Variants in RCN3 observed in about 807,000 individuals in gnomAD.
RCN3 encodes the protein reticulocalbin-3.
In RCN3, 41 loss-of-function variants were observed where a neutral mutation model predicts 35.9. That is an observed-to-expected ratio of 1.14 (90% CI 0.89 to 1.48). RCN3 has a LOEUF of 1.48. Among genes scored for constraint, RCN3 ranks in the 40% most tolerant of loss-of-function variants. The pLI is 0.00. For missense variants in RCN3, 451 were observed against 471.3 expected, an observed-to-expected ratio of 0.96 and a Z score of 0.40; for synonymous variants, 187 against 193.4, an observed-to-expected ratio of 0.97 and a Z score of 0.27.
intron 2 of RCN3, 62 bp from the exon 3 acceptor site, chr19:49,534,131 G>C: frequency 1.4e-6 from 2 of 1,406,846 alleles, no homozygotes; most frequent in Non-Finnish European, 1.9e-6. Context: ...GGCGTGGCCC[G>C]TGCGAGGGGC....
intron 3 of RCN3, 96 bp downstream of exon 3, chr19:49,534,491 T>A: frequency 7.5e-7 from 1 of 1,329,550 alleles, no homozygotes; most frequent in Non-Finnish European, 1.0e-6. Context: ...TTACCCGGAG[T>A]CCCTGGCCCC....
At position 49,528,505 on chromosome 19, in the gene RCN3, G is replaced by T. The variant is rs1393864185; in HGVS notation, c.33G>T (p.Leu11=). The change falls in exon 2 of 7, where the codon CTG becomes CTT. Residue 11 remains leucine (L), a synonymous_variant. Transcript: ENST00000270645. MMWRPSVLLL[L]LLLRHGAQGK... ...GGCGACCATCAGTTCTGCTGCTTCT[G>T]TTGCTACTGAGGCACGGGGCCCAGG... The T allele has an allele frequency of 1.3e-6, 2 of 1,538,364 alleles. No homozygotes were observed. Among genetic ancestry groups the T allele is most frequent in the Non-Finnish European group, 1.7e-6 (2 of 1,143,890 alleles).
Position 49,543,221 on chromosome 19 carries a change from G to A in RCN3, c.*8G>A, listed in dbSNP as rs755131195. The A allele has an allele frequency of 6.3e-6, 10 of 1,595,734 alleles. No homozygotes were observed. The highest frequency in any genetic ancestry group is 1.3e-5 in the African/African-American group (1 of 74,336). ...CACCACGATGAGCTGTGAGCACCGC[G>A]CACCTGCCACAGCCTCAGAGGCCCG... On this transcript the variant is annotated 3_prime_UTR_variant, in exon 7 of 7. Transcript: ENST00000270645.
chr19:49,537,966 A>C (rs1202653840), intron 4 of RCN3, among the ~76,000 whole-genome samples: 2 of 148,954 alleles, frequency 1.3e-5, no homozygotes, highest in East Asian at 4.1e-4. Context: ...CTATAGAAGA[A>C]GGCTTTTTTT....
chr19:49,537,575 C>G (rs1331860163), intron 4 of RCN3, among the ~76,000 whole-genome samples: 1 of 151,796 alleles, frequency 6.6e-6, no homozygotes, highest in East Asian at 1.9e-4. Context: ...GGTGCGATCT[C>G]AGCTCACTGC....
chr19:49,539,240 G>A, intron 5 of RCN3, 61 bp downstream of exon 5: 1 of 1,417,152 alleles, frequency 7.1e-7, no homozygotes, highest in Non-Finnish European at 9.8e-7. Flanking sequence ...GGCAGGGTTG[G>A]TGGGGGTAGC....
intron 5 of RCN3, among the ~76,000 whole-genome samples, chr19:49,541,368 G>A (rs534882990): frequency 6.4e-4 from 98 of 152,264 alleles, no homozygotes; most frequent in African/African-American, 2.1e-3. Flanking sequence ...GAAGACAATG[G>A]GAAGAGGCAG....
intron 4 of RCN3, 150 bp downstream of exon 4, chr19:49,537,355 CAGAGG>C: frequency 2.7e-6 from 2 of 734,296 alleles, no homozygotes; most frequent in Non-Finnish European, 4.1e-6. Context: ...AAACACAGGT[CAGAGG>C]ACGGTGACCT....
At chr19:49,533,636 C>G (rs2080119467) in intron 2 of RCN3, among the ~76,000 whole-genome samples, 1 of 151,692 alleles carries the variant, frequency 6.6e-6, no homozygotes, top group African/African-American at 2.4e-5. Flanking sequence ...CAGGGGAAAG[C>G]CACGGGGCTC....
At chr19:49,535,816 C>T (rs988713910) in intron 3 of RCN3, among the ~76,000 whole-genome samples, 1 of 149,018 alleles carries the variant, frequency 6.7e-6, no homozygotes, top group Non-Finnish European at 1.5e-5. Context: ...CATCACTGCA[C>T]TCTGGCCTTG....
chr19:49,534,148 T>C lies in RCN3; in HGVS notation c.243-45T>C, dbSNP rs948259449. On this transcript the variant is annotated intron_variant, in intron 2 of 6. Transcript: ENST00000270645. ...CGTGGCCCGTGCGAGGGGCGGGGCCTGGGGGCGGGACCAGAGCCTGACGTG... is the reference window on the plus strand; with the variant it reads ...CGTGGCCCGTGCGAGGGGCGGGGCCCGGGGGCGGGACCAGAGCCTGACGTG... 4 of 1,441,544 alleles carry C rather than the reference T, an allele frequency of 2.8e-6. No homozygotes were observed. In the African/African-American group the frequency reaches 4.5e-5, roughly 16 times the overall value. The allele number at this position is 1,441,544 out of a possible 1,614,324, so 89.3% of individuals were successfully genotyped here.
intron 4 of RCN3, among the ~76,000 whole-genome samples, chr19:49,538,852 T>C (rs1416788444): frequency 6.6e-6 from 1 of 152,136 alleles, no homozygotes; most frequent in Non-Finnish European, 1.5e-5. Context: ...ACAGCTCCCC[T>C]TGTGAGCAAC....
chr19:49,533,816 AC>A (rs1207902410), intron 2 of RCN3, among the ~76,000 whole-genome samples: 3 of 152,148 alleles, frequency 2.0e-5, no homozygotes, highest in African/African-American at 7.2e-5. Context: ...GGCAAGGGTC[AC>A]AGTGCGACGC....
chr19:49,536,288 CTT>C (rs968434638), intron 3 of RCN3, among the ~76,000 whole-genome samples: 2 of 70,830 alleles, frequency 2.8e-5, no homozygotes, highest in East Asian at 4.3e-4. Context: ...ACCCGGCCTA[CTT>C]TTTTTTTTTT....
intron 5 of RCN3, among the ~76,000 whole-genome samples, chr19:49,540,893 G>T (rs1000356116): frequency 1.3e-5 from 2 of 151,172 alleles, no homozygotes; most frequent in African/African-American, 4.9e-5. Context: ...TGACAACAAG[G>T]AGGTCACAGG....
At chr19:49,541,481 G>A (rs2080162590) in intron 5 of RCN3, among the ~76,000 whole-genome samples, 1 of 152,148 alleles carries the variant, frequency 6.6e-6, no homozygotes, top group Admixed American at 6.6e-5. Flanking sequence ...GGGTGCCATG[G>A]CTCACGCCTG....
rs140096836 is a variant in RCN3, at chr19:49,530,657, C to T, written c.242+1943C>T. Among the ~76,000 whole-genome samples, 391 of 151,676 alleles carry T rather than the reference C, an allele frequency of 2.6e-3. 1 individual carries two copies. The highest frequency in any genetic ancestry group is 8.9e-3 in the African/African-American group (367 of 41,342). On this transcript the variant is annotated intron_variant, in intron 2 of 6. Transcript: ENST00000270645. ...GATTACAGGCATGCACCACCATGCC[C>T]GGCTAATTTTGTATTTTTAGTAGAG...
Position 49,542,596 on chromosome 19 carries a change from G to C in RCN3, c.723G>C (p.Trp241Cys), listed in dbSNP as rs1191521845. Residue 241 changes from tryptophan (W) to cysteine (C), a missense_variant, in exon 6 of 7, where the codon TGG (tryptophan) becomes TGC (cysteine). Trp to Cys is a radical substitution (Grantham distance 215). Coordinates refer to ENST00000270645, the MANE Select transcript of RCN3 (RefSeq NM_020650.3). ...SAEPGEEEPA[W>C]VQTERQQFRD... is the part of the protein sequence containing the mutation. ...AGCCTGGGGAGGAGGAGCCGGCGTG[G>C]GTGCAGACGGAGAGGCAGCAGTTCC... The C allele has an allele frequency of 6.2e-7, 1 of 1,609,146 alleles. No individual in the cohort carries two copies. Among genetic ancestry groups the C allele is most frequent in the East Asian group, 2.2e-5 (1 of 44,746 alleles).
intron 3 of RCN3, among the ~76,000 whole-genome samples, chr19:49,535,422 A>C (rs1291692520): frequency 6.6e-6 from 1 of 152,120 alleles, no homozygotes; most frequent in Non-Finnish European, 1.5e-5. Context: ...CTGAGAATCA[A>C]TTTTTGCATT....
Sources: gnomAD v4.1 joint callset for allele counts (sites outside exome capture counted in the v4.1 genomes callset) on GRCh38, gnomAD v4.1.1 for gene constraint, MANE v1.5 for transcripts, NCBI Gene and HGNC (gene_info 2026-07-23, HGNC 2026-07-21) for gene names.